DCC: variants seen among roughly 807,000 people sequenced by gnomAD.
The protein encoded by DCC is netrin receptor DCC.
Under a neutral mutation model 172.5 loss-of-function variants are expected in DCC, and 58 were observed. The observed-to-expected ratio is 0.34, with a 90% CI of 0.27 to 0.42. The LOEUF is 0.42. Among genes scored for constraint, DCC ranks in the 10% least tolerant of loss-of-function variants. DCC has a pLI of 1.00. For synonymous variants in DCC, 709 were observed against 644.5 expected (o/e 1.10, Z -1.52); for missense variants, 1,740 against 1,791.0 (o/e 0.97, Z 0.51).
intron 5 of DCC, among the ~76,000 whole-genome samples, chr18:53,019,587 C>T (rs113340739): frequency 0.012 from 1,828 of 152,180 alleles, 25 homozygotes; most frequent in African/African-American, 0.041. Context: ...ACTTCCTTTT[C>T]ATAAAATATT....
chr18:52,403,451 C>G (rs1009125739), intron 1 of DCC, among the ~76,000 whole-genome samples: 4 of 151,980 alleles, frequency 2.6e-5, no homozygotes, highest in Admixed American at 2.6e-4. Flanking sequence ...ACTTAACACC[C>G]TGATTAACAG....
intron 9 of DCC, among the ~76,000 whole-genome samples, chr18:53,199,411 G>A (rs1044724345): frequency 6.6e-6 from 1 of 151,914 alleles, no homozygotes; most frequent in Admixed American, 6.6e-5. Context: ...ACATTTTTGA[G>A]TCTCCCTTTA....
chr18:53,348,168 A>C (rs1006292672), intron 15 of DCC, among the ~76,000 whole-genome samples: 1 of 152,154 alleles, frequency 6.6e-6, no homozygotes. Context: ...TAAAATCAAA[A>C]CCAAGTTAAT....
intron 1 of DCC, among the ~76,000 whole-genome samples, chr18:52,603,541 TA>T (rs1407460676): frequency 6.6e-6 from 1 of 151,706 alleles, no homozygotes; most frequent in African/African-American, 2.4e-5. Flanking sequence ...AAGTTGAGAT[TA>T]TTTTTTAAAA....
Position 53,046,160 on chromosome 18 carries a change from A to G in DCC, c.986-17145A>G, listed in dbSNP as rs368219566. The stretch of plus-strand genomic sequence containing the variant: ...GGAATATAATCGATGCTGGAATTAG[A>G]CTTTCACCAAGTAATCCTAAAAATA... On this transcript the variant is annotated intron_variant, in intron 5 of 28. Coordinates refer to ENST00000442544, the MANE Select transcript of DCC (RefSeq NM_005215.4). Among the ~76,000 whole-genome samples, 21 of 152,042 alleles carry G rather than the reference A, an allele frequency of 1.4e-4. 1 individual carries two copies. The East Asian group carries it at 2.9e-3, about 21-fold the overall frequency.
At chr18:53,175,577 A>C (rs990013768) in intron 8 of DCC, among the ~76,000 whole-genome samples, 71 of 149,542 alleles carry the variant, frequency 4.7e-4, no homozygotes, top group African/African-American at 1.6e-3. Context: ...CCCATTCACA[A>C]TTGCTTCAAA....
intron 1 of DCC, among the ~76,000 whole-genome samples, chr18:52,599,823 A>G (rs1434170156): frequency 6.6e-6 from 1 of 151,648 alleles, no homozygotes; most frequent in Non-Finnish European, 1.5e-5. Context: ...CTGTCTATAA[A>G]TATTTTAAAA....
chr18:53,427,803 C>A, intron 21 of DCC, among the ~76,000 whole-genome samples: 1 of 132,748 alleles, frequency 7.5e-6, no homozygotes, highest in African/African-American at 2.8e-5. Context: ...CTTCTAAAAA[C>A]AGAAATATAT....
intron 1 of DCC, among the ~76,000 whole-genome samples, chr18:52,445,101 G>A (rs1988082104): frequency 1.3e-5 from 2 of 152,086 alleles, no homozygotes; most frequent in South Asian, 2.1e-4. Context: ...CATAATAAGG[G>A]CATTATTAGG....
chr18:53,063,156 C>T (rs2042519553), intron 5 of DCC, 149 bp from the exon 6 acceptor site: 2 of 817,778 alleles, frequency 2.4e-6, no homozygotes, highest in Non-Finnish European at 2.1e-6. Context: ...TATAATAGTT[C>T]CTGTATAATA....
chr18:52,618,268 A>T (rs1384193064), intron 1 of DCC, among the ~76,000 whole-genome samples: 1 of 152,198 alleles, frequency 6.6e-6, no homozygotes, highest in African/African-American at 2.4e-5. Context: ...AAAACCATGG[A>T]ATATGACCTC....
At chr18:52,736,017 G>A (rs1328223739) in intron 1 of DCC, among the ~76,000 whole-genome samples, 1 of 152,022 alleles carries the variant, frequency 6.6e-6, no homozygotes, top group Non-Finnish European at 1.5e-5. Context: ...CTCTGAGCTG[G>A]TTTGGCCCTA....
At chr18:52,479,328 C>T (rs898716630) in intron 1 of DCC, among the ~76,000 whole-genome samples, 1 of 152,138 alleles carries the variant, frequency 6.6e-6, no homozygotes, top group African/African-American at 2.4e-5. Flanking sequence ...CACTTACCAC[C>T]AAAGACACAT....
chr18:52,342,338 CCCCG>C (rs1227425063), intron 1 of DCC, among the ~76,000 whole-genome samples: 2 of 151,984 alleles, frequency 1.3e-5, no homozygotes, highest in Non-Finnish European at 2.9e-5. Context: ...GTACCCGCAT[CCCCG>C]CGCTTAGCCG....
intron 12 of DCC, among the ~76,000 whole-genome samples, chr18:53,234,636 T>A (rs1382627009): frequency 6.6e-6 from 1 of 152,118 alleles, no homozygotes; most frequent in Non-Finnish European, 1.5e-5. Flanking sequence ...GCCCCTCATT[T>A]TCAAGACTGT....
intron 5 of DCC, among the ~76,000 whole-genome samples, chr18:53,006,360 C>A (rs1285242649): frequency 6.6e-6 from 1 of 152,170 alleles, no homozygotes; most frequent in Non-Finnish European, 1.5e-5. Flanking sequence ...AAACCCATTC[C>A]TCTCCTCTGG....
At chr18:52,917,089 C>A (rs2040051999) in intron 3 of DCC, among the ~76,000 whole-genome samples, 1 of 141,476 alleles carries the variant, frequency 7.1e-6, no homozygotes, top group African/African-American at 2.7e-5. Context: ...TTGAGACCAG[C>A]CTGGGCAGTC....
chr18:52,739,378 G>A (rs551199964), intron 1 of DCC, among the ~76,000 whole-genome samples: 51 of 152,132 alleles, frequency 3.4e-4, no homozygotes, highest in African/African-American at 1.0e-3. Context: ...ACAGGTATTT[G>A]TTAAATACCT....
intron 8 of DCC, among the ~76,000 whole-genome samples, chr18:53,173,268 G>A (rs1226350443): frequency 6.6e-6 from 1 of 152,056 alleles, no homozygotes; most frequent in African/African-American, 2.4e-5. Flanking sequence ...TACTCTCCTA[G>A]AAGTCGGAAT....
Sources: allele counts gnomAD v4.1 joint callset (sites outside exome capture counted in the v4.1 genomes callset), GRCh38; gene constraint gnomAD v4.1.1; transcripts MANE v1.5; gene names NCBI Gene and HGNC (gene_info 2026-07-23, HGNC 2026-07-21).